The following NOL4 variants were observed in gnomAD, a reference collection of about 807,000 sequenced individuals.
The protein encoded by NOL4 is nucleolar protein 4, also known as cancer/testis antigen 125.
NOL4 carries 17 observed loss-of-function variants against 75.9 expected under a neutral mutation model. The observed-to-expected ratio is 0.22, with a 90% confidence interval of 0.15 to 0.34. NOL4 has a LOEUF of 0.34. NOL4 is among the 10% of genes least tolerant of loss of function. NOL4 has a pLI of 1.00. For synonymous variants in NOL4, 292 were observed against 289.9 expected (o/e 1.01, Z -0.07); for missense variants, 614 against 793.5 (o/e 0.77, Z 2.72).
At chr18:34,205,962 A>T (rs936869681) in intron 1 of NOL4, among the ~76,000 whole-genome samples, 3 of 152,194 alleles carry the variant, frequency 2.0e-5, no homozygotes, top group African/African-American at 7.2e-5. Flanking sequence ...TTTATCTTTA[A>T]TATTAGCATG....
chr18:34,198,060 T>C (rs1250054304), intron 1 of NOL4, among the ~76,000 whole-genome samples: 2 of 151,938 alleles, frequency 1.3e-5, no homozygotes, highest in Non-Finnish European at 2.9e-5. Context: ...TGAAACCTAG[T>C]CATGTCACAG....
At chr18:33,868,244 A>G (rs954602002) in intron 10 of NOL4, among the ~76,000 whole-genome samples, 8 of 150,120 alleles carry the variant, frequency 5.3e-5, no homozygotes, top group African/African-American at 2.0e-4. Context: ...GGGATTTGCT[A>G]TGTTGCCCAG....
intron 1 of NOL4, chr18:34,222,171 A>G: frequency 6.7e-7 from 1 of 1,490,286 alleles, no homozygotes; most frequent in Non-Finnish European, 8.9e-7. Flanking sequence ...TTGGGCTCTC[A>G]ATGCCAGTGC....
At chr18:33,954,693 G>T (rs1205050912) in intron 8 of NOL4, among the ~76,000 whole-genome samples, 1 of 152,010 alleles carries the variant, frequency 6.6e-6, no homozygotes, top group East Asian at 1.9e-4. Flanking sequence ...GGGCAAATAA[G>T]AACAAGACTT....
chr18:34,127,945 G>A (rs1276658705), intron 2 of NOL4, among the ~76,000 whole-genome samples: 2 of 151,950 alleles, frequency 1.3e-5, no homozygotes, highest in South Asian at 4.1e-4. Flanking sequence ...TCTCAAGAGG[G>A]ATTAGATAAG....
rs530430114 is a variant in NOL4, at chr18:34,087,593, G to A, written c.772+5872C>T. Among the ~76,000 whole-genome samples the A allele has an allele frequency of 2.6e-5, 4 of 152,132 alleles. No individual in the cohort carries two copies. The South Asian group carries it at 8.3e-4, about 32-fold the overall frequency. On this transcript the variant is annotated intron_variant, in intron 5 of 10. Transcript: ENST00000261592. ...AATCTAATATGCAATGTTCATGCTT[G>A]TAAATCCATTGTCCAACTTATGCTA...
At chr18:34,032,014 C>T (rs556374778) in intron 5 of NOL4, among the ~76,000 whole-genome samples, 109 of 152,326 alleles carry the variant, frequency 7.2e-4, no homozygotes, top group African/African-American at 2.6e-3. Context: ...TGCACTCTTC[C>T]GGGGACTAGT....
chr18:34,120,515 G>A (rs954199104), intron 2 of NOL4, among the ~76,000 whole-genome samples: 1 of 152,160 alleles, frequency 6.6e-6, no homozygotes, highest in Admixed American at 6.5e-5. Context: ...ATTTTGTGGT[G>A]CTGAGAATTT....
intron 2 of NOL4, among the ~76,000 whole-genome samples, chr18:34,117,506 G>A (rs1296818202): frequency 1.3e-5 from 2 of 152,166 alleles, no homozygotes; most frequent in Non-Finnish European, 2.9e-5. Context: ...AGTTTGGGGT[G>A]ACCTTTCTGA....
At chr18:33,886,070 T>A (rs2064627213) in intron 9 of NOL4, among the ~76,000 whole-genome samples, 1 of 152,064 alleles carries the variant, frequency 6.6e-6, no homozygotes, top group African/African-American at 2.4e-5. Context: ...CCAGGCCAAG[T>A]AAGACAAACA....
chr18:34,164,156 A>G (rs1014377628), intron 1 of NOL4, among the ~76,000 whole-genome samples: 18 of 152,184 alleles, frequency 1.2e-4, no homozygotes, highest in African/African-American at 3.9e-4. Flanking sequence ...AAACCTAGGC[A>G]TTACCATTTA....
At chr18:33,898,042 G>A in intron 9 of NOL4, among the ~76,000 whole-genome samples, 1 of 151,920 alleles carries the variant, frequency 6.6e-6, no homozygotes, top group East Asian at 1.9e-4. Flanking sequence ...TGAATAGATG[G>A]GATCACAGGT....
At chr18:34,040,316 T>C (rs1218512477) in intron 5 of NOL4, among the ~76,000 whole-genome samples, 3 of 151,914 alleles carry the variant, frequency 2.0e-5, no homozygotes, top group Non-Finnish European at 2.9e-5. Flanking sequence ...TTCATGACTA[T>C]ATACTTCACA....
At chr18:34,008,758 A>G (rs12970564) in intron 6 of NOL4, among the ~76,000 whole-genome samples, 26,550 of 151,822 alleles carry the variant, frequency 0.17, 2,767 homozygotes, top group East Asian at 0.38. Context: ...TGCATCAGAG[A>G]GGTAAAATTG....
chr18:33,875,568 C>T (rs1439209398), intron 10 of NOL4, among the ~76,000 whole-genome samples: 1 of 151,940 alleles, frequency 6.6e-6, no homozygotes, highest in Non-Finnish European at 1.5e-5. Flanking sequence ...ACTGTAGACC[C>T]ATAAACTGAT....
chr18:34,057,582 T>C (rs2076883862), intron 5 of NOL4, among the ~76,000 whole-genome samples: 1 of 152,210 alleles, frequency 6.6e-6, no homozygotes, highest in Non-Finnish European at 1.5e-5. Context: ...GATCTATCTT[T>C]ATTAATAATA....
chr18:33,882,757 G>GTATGTTTAT (rs2064374221), intron 10 of NOL4, among the ~76,000 whole-genome samples: 1 of 152,004 alleles, frequency 6.6e-6, no homozygotes, highest in East Asian at 1.9e-4. Context: ...ACATGCACAC[G>GTATGTTTAT]TATGTTTATT....
chr18:34,166,506 C>A (rs889610501), intron 1 of NOL4, among the ~76,000 whole-genome samples: 1 of 151,994 alleles, frequency 6.6e-6, no homozygotes, highest in African/African-American at 2.4e-5. Flanking sequence ...CCCAAAGTCC[C>A]ATTATCAAAG....
At chr18:34,143,419 A>T (rs2146018504) in intron 1 of NOL4, among the ~76,000 whole-genome samples, 1 of 152,324 alleles carries the variant, frequency 6.6e-6, no homozygotes, top group East Asian at 1.9e-4. Context: ...ACCCTTGTAT[A>T]TCTAGCCAAC....
Sources: allele counts gnomAD v4.1 joint callset (sites outside exome capture counted in the v4.1 genomes callset), GRCh38; gene constraint gnomAD v4.1.1; transcripts MANE v1.5; gene names NCBI Gene and HGNC (gene_info 2026-07-23, HGNC 2026-07-21).